ZBTB14: variants seen among roughly 807,000 people sequenced by gnomAD.
ZBTB14 encodes the protein zinc finger and BTB domain-containing protein 14.
In ZBTB14, 8 loss-of-function variants were observed where a neutral mutation model predicts 29.5. The ratio of observed to expected loss-of-function variants is 0.27; its 90% CI spans 0.16 to 0.49. The LOEUF (loss-of-function observed/expected upper bound fraction) is 0.49. Among genes scored for constraint, ZBTB14 ranks in the 20% least tolerant of loss-of-function variants. The pLI is 0.99. For synonymous variants in ZBTB14, 226 were observed against 207.2 expected (o/e 1.09, Z -0.78); for missense variants, 333 against 563.8 (o/e 0.59, Z 4.15).
At position 5,289,566 on chromosome 18, in the gene ZBTB14, A is replaced by G. The variant is rs1270744937; in HGVS notation, c.*1292T>C. On this transcript the variant is annotated 3_prime_UTR_variant, in exon 4 of 4. Coordinates refer to ENST00000651870, the MANE Select transcript of ZBTB14 (RefSeq NM_001243702.2). ...AGATGGTTAAAAGAACATTTAGTATACCAAAACTGGAATAGAGTTTATAAT... is the reference window on the plus strand; with the variant it reads ...AGATGGTTAAAAGAACATTTAGTATGCCAAAACTGGAATAGAGTTTATAAT... 6.6e-6 allele frequency: 1 copy of G among 152,220 alleles called. No individual in the cohort carries two copies. The highest frequency in any genetic ancestry group is 1.5e-5 in the Non-Finnish European group (1 of 68,024). The allele number at this position is 152,220 out of a possible 1,614,324, so 9.4% of individuals were successfully genotyped here. A position where few individuals can be genotyped will look rare whatever the true frequency, so the allele number is the denominator to read the frequency against.
Position 5,290,707 on chromosome 18 carries a change from C to T in ZBTB14, c.*151G>A. 8.1e-7 allele frequency: 1 copy of T among 1,229,350 alleles called. No individual in the cohort carries two copies. The highest frequency in any genetic ancestry group is 1.1e-6 in the Non-Finnish European group (1 of 900,876). 76.2% of individuals were successfully genotyped at this position (1,229,350 alleles called of 1,614,324 possible). A position where few individuals can be genotyped will look rare whatever the true frequency, so the allele number is the denominator to read the frequency against. On this transcript the variant is annotated 3_prime_UTR_variant, in exon 4 of 4. Transcript: ENST00000651870. ...GAGGAACACCATTTCCTTGAAAAGT[C>T]TTAAAAATAGCTAACCAAGCACTGC... is the stretch of plus-strand genomic sequence containing the variant.
rs1444683587 is a variant in ZBTB14, at chr18:5,291,611, T to C, written c.597A>G (p.Glu199=). Reference sequence around the variant, plus strand: ...CACTCCCCAGCTCTTTCAGGATCGCTTCCTGAACCCTGAGCGTTGTGGTGG... The same window carrying C: ...CACTCCCCAGCTCTTTCAGGATCGCCTCCTGAACCCTGAGCGTTGTGGTGG... ...KSPTTTLRVQ[E]AILKELGSEE... Residue 199 remains glutamate (E), a synonymous_variant, in exon 4 of 4, where the codon GAA becomes GAG. Transcript: ENST00000651870. The surrounding 1 kb of genome is among the most constrained non-coding windows in gnomAD (Gnocchi z 5.8). 2 of 1,613,874 alleles carry C rather than the reference T, an allele frequency of 1.2e-6. No homozygotes were observed. The highest frequency in any genetic ancestry group is 2.2e-5 in the East Asian group (1 of 44,874).
In ZBTB14 at chr18:5,290,780, G is replaced by T. The variant is rs531831660; in HGVS notation, c.*78C>A. ...TTCCATACGTTTCCACAAAAATATTGTAACTGGCATTCACTCATTATGATC... is the reference window on the plus strand; with the variant it reads ...TTCCATACGTTTCCACAAAAATATTTTAACTGGCATTCACTCATTATGATC... On this transcript the variant is annotated 3_prime_UTR_variant, in exon 4 of 4. Transcript: ENST00000651870. 1.4e-4 allele frequency: 215 copies of T among 1,539,000 alleles called. No homozygotes were observed. In the Middle Eastern group the frequency reaches 3.3e-3, roughly 24 times the overall value.
At chr18:5,294,580 C>T (rs1371626665) in intron 1 of ZBTB14, among the ~76,000 whole-genome samples, 1 of 152,132 alleles carries the variant, frequency 6.6e-6, no homozygotes, top group Non-Finnish European at 1.5e-5. Context: ...CTCCCCGCCC[C>T]GCCCCCCTTG....
intron 2 of ZBTB14, 149 bp from the exon 3 acceptor site, chr18:5,293,476 A>G (rs7241581): frequency 3.6e-6 from 2 of 549,782 alleles, no homozygotes; most frequent in African/African-American, 1.9e-5. Flanking sequence ...TAGCTGGTAC[A>G]TCAAGTGCAG....
chr18:5,295,289 G>C (rs2071926359), intron 1 of ZBTB14, among the ~76,000 whole-genome samples: 1 of 144,758 alleles, frequency 6.9e-6, no homozygotes, highest in Non-Finnish European at 1.5e-5. Flanking sequence ...CCGCGGCCGG[G>C]GGCGGGGGCG....
Position 5,292,011 on chromosome 18 carries a change from T to C in ZBTB14, c.197A>G (p.Lys66Arg). 2 of 1,613,272 alleles carry C rather than the reference T, an allele frequency of 1.2e-6. No homozygotes were observed. The highest frequency in any genetic ancestry group is 8.5e-7 in the Non-Finnish European group (1 of 1,179,846). ...CGAAGAACTATCAACCTCAAGCTTC[T>C]TGAAAAGCTTTTTAAAGTAAGTGCT... is the stretch of plus-strand genomic sequence containing the variant. ...ACSTYFKKLFKKLEVDSSSVI... is the reference protein window; with the variant it reads ...ACSTYFKKLFRKLEVDSSSVI... Residue 66 changes from lysine to arginine, a missense_variant, in exon 4 of 4, where the codon AAG becomes AGG. Lys to Arg is a conservative substitution (Grantham distance 26, BLOSUM62 2). Around this residue, in one of 3 missense-constraint regions of ZBTB14, gnomAD observed 67 missense variants for 157.0 expected, o/e 0.43. Coordinates refer to ENST00000651870, the MANE Select transcript of ZBTB14 (RefSeq NM_001243702.2).
intron 2 of ZBTB14, 132 bp from the exon 3 acceptor site, chr18:5,293,459 A>G (rs2071865298): frequency 1.8e-6 from 1 of 570,414 alleles, no homozygotes; most frequent in African/African-American, 1.9e-5. Context: ...GGAGAGTGGC[A>G]GGTAGGTAGC....
Position 5,290,211 on chromosome 18 carries a change from G to A in ZBTB14, c.*647C>T, listed in dbSNP as rs1224119382. The stretch of plus-strand genomic sequence containing the variant: ...TTGGCCTTTAGGATGTGTGACTACA[G>A]CTTTTGGGTAGGTACAGGGCAATCA... On this transcript the variant is annotated 3_prime_UTR_variant, in exon 4 of 4. Coordinates refer to ENST00000651870, the MANE Select transcript of ZBTB14 (RefSeq NM_001243702.2). 6.6e-6 allele frequency: 1 copy of A among 152,174 alleles called. No individual in the cohort carries two copies. Among genetic ancestry groups the A allele is most frequent in the Non-Finnish European group, 1.5e-5 (1 of 68,054 alleles). The allele number at this position is 152,174 out of a possible 1,614,324, so 9.4% of individuals were successfully genotyped here. A position where few individuals can be genotyped will look rare whatever the true frequency, so the allele number is the denominator to read the frequency against.
chr18:5,296,521 G>A (rs923563707), upstream of ZBTB14, among the ~76,000 whole-genome samples: 3 of 151,574 alleles, frequency 2.0e-5, no homozygotes, highest in Non-Finnish European at 4.4e-5. Flanking sequence ...GCTCTGCCGC[G>A]TCTCGGAGCG....
chr18:5,295,485 G>A (rs1376886001), intron 1 of ZBTB14, among the ~76,000 whole-genome samples, 167 bp downstream of exon 1: 1 of 144,768 alleles, frequency 6.9e-6, no homozygotes, highest in Admixed American at 6.8e-5. Flanking sequence ...GTGCACTGCG[G>A]CGGTGCGAGC....
chr18:5,295,397 G>T lies in ZBTB14; in HGVS notation c.-112+255C>A, dbSNP rs986776246. On this transcript the variant is annotated intron_variant, in intron 1 of 3. Coordinates refer to ENST00000651870, the MANE Select transcript of ZBTB14 (RefSeq NM_001243702.2). ...CGCCGGCGGCTGTAGGCGGCGCGGC[G>T]GGGCCCGCGGCTCGGAGGGGCGGCG... is the stretch of plus-strand genomic sequence containing the variant. Among the ~76,000 whole-genome samples the T allele has an allele frequency of 3.3e-3, 465 of 142,382 alleles. 3 individuals are homozygous for T. Among genetic ancestry groups the T allele is most frequent in the African/African-American group, 0.011 (430 of 39,624 alleles). The allele number at this position is 142,382 out of a possible 152,430, so 93.4% of individuals were successfully genotyped here.
chr18:5,296,274 G>T (rs1334406720), upstream of ZBTB14: 1 of 150,438 alleles, frequency 6.6e-6, no homozygotes, highest in Non-Finnish European at 1.5e-5. Context: ...CCGCGCGCGG[G>T]AGAAGGAGTG....
In ZBTB14 at chr18:5,290,830, C is replaced by T; in HGVS notation, c.*28G>A. ...CCACGTCATCTCAGTCTCCACTTTCCAGGCAAAGTGTCCCTGTCCCACCGC... is the reference window on the plus strand; with the variant it reads ...CCACGTCATCTCAGTCTCCACTTTCTAGGCAAAGTGTCCCTGTCCCACCGC... On this transcript the variant is annotated 3_prime_UTR_variant, in exon 4 of 4. Coordinates refer to ENST00000651870, the MANE Select transcript of ZBTB14 (RefSeq NM_001243702.2). 1 of 1,594,018 alleles carries T rather than the reference C, an allele frequency of 6.3e-7. No homozygotes were observed.
rs996255204 is a variant in ZBTB14, at chr18:5,293,517, G to A, written c.-81-190C>T. ...AACAGATATGGACTAGAACAGATAA[G>A]GGCTGTAGCACTCGGGCATAAAGGG... On this transcript the variant is annotated intron_variant, in intron 2 of 3. Coordinates refer to ENST00000651870, the MANE Select transcript of ZBTB14 (RefSeq NM_001243702.2). 12 of 373,476 alleles carry A rather than the reference G, an allele frequency of 3.2e-5. 2 individuals are homozygous for A. The Admixed American group carries it at 3.3e-4, about 10-fold the overall frequency. 23.1% of individuals were successfully genotyped at this position (373,476 alleles called of 1,614,324 possible).
upstream of ZBTB14, chr18:5,295,918 AGT>A (rs1299741444): frequency 2.2e-5 from 3 of 139,482 alleles, no homozygotes; most frequent in Non-Finnish European, 4.7e-5. Flanking sequence ...GGTGGGTGGC[AGT>A]GTGTTTTGGA....
intron 1 of ZBTB14, among the ~76,000 whole-genome samples, chr18:5,294,995 G>T (rs1361481782): frequency 2.0e-5 from 3 of 152,134 alleles, no homozygotes; most frequent in East Asian, 2.0e-4. Flanking sequence ...GGAGGAGGCC[G>T]TTTGCACTCC....
At position 5,290,615 on chromosome 18, in the gene ZBTB14, G is replaced by T; in HGVS notation, c.*243C>A. On this transcript the variant is annotated 3_prime_UTR_variant, in exon 4 of 4. Coordinates refer to ENST00000651870, the MANE Select transcript of ZBTB14 (RefSeq NM_001243702.2). ...AAATAATAAAAAAAAAAAAGGGAGAGAGGTGCTTACTGGGCAACATTAATA... is the reference window on the plus strand; with the variant it reads ...AAATAATAAAAAAAAAAAAGGGAGATAGGTGCTTACTGGGCAACATTAATA... 1 of 326,586 alleles carries T rather than the reference G, an allele frequency of 3.1e-6. No homozygotes were observed. Among genetic ancestry groups the T allele is most frequent in the Non-Finnish European group, 4.8e-6 (1 of 208,852 alleles). 20.2% of individuals were successfully genotyped at this position (326,586 alleles called of 1,614,324 possible).
chr18:5,292,722 GAT>G (rs2071844987), intron 3 of ZBTB14, among the ~76,000 whole-genome samples: 1 of 152,198 alleles, frequency 6.6e-6, no homozygotes, highest in Non-Finnish European at 1.5e-5. Flanking sequence ...CTCTATGGAG[GAT>G]TCAGCAAAAT....
Sources: allele counts gnomAD v4.1 joint callset (sites outside exome capture counted in the v4.1 genomes callset), GRCh38; gene constraint gnomAD v4.1.1; regional missense constraint gnomAD v4.1.1; non-coding constraint Gnocchi (gnomAD v3.1); transcripts MANE v1.5; gene names NCBI Gene and HGNC (gene_info 2026-07-23, HGNC 2026-07-21).